CILK1: variants seen among roughly 807,000 people sequenced by gnomAD.
CILK1 encodes ciliogenesis associated kinase 1, also known as serine/threonine-protein kinase ICK.
CILK1 carries 47 observed loss-of-function variants against 79.2 expected under a neutral mutation model. The observed-to-expected ratio is 0.59, with a 90% confidence interval of 0.47 to 0.76. The LOEUF (loss-of-function observed/expected upper bound fraction) is 0.76, where lower values mean the gene tolerates loss of function less well. Among genes scored for constraint, CILK1 ranks in the 30% least tolerant of loss-of-function variants. CILK1 has a pLI of 0.00. For missense variants in CILK1, 660 were observed against 769.5 expected, an observed-to-expected ratio of 0.86 and a Z score of 1.68; for synonymous variants, 266 against 275.9, an observed-to-expected ratio of 0.96 and a Z score of 0.36.
chr6:53,060,213 C>T (rs1254948672), intron 1 of CILK1, among the ~76,000 whole-genome samples: 1 of 152,098 alleles, frequency 6.6e-6, no homozygotes, highest in Non-Finnish European at 1.5e-5. Flanking sequence ...GTTTGATATC[C>T]TAGTAGTTCA....
rs1764138517 is a variant in CILK1 at position 53,005,097 on chromosome 6, G to A, written c.*52C>T. ...TGCAGGTAGAACACCAGTCAGCTGAGGGAAAGTATCCTGCTTCTCCCTAGG... is the reference window on the plus strand; with the variant it reads ...TGCAGGTAGAACACCAGTCAGCTGAAGGAAAGTATCCTGCTTCTCCCTAGG... On this transcript the variant is annotated 3_prime_UTR_variant, in exon 14 of 14. Transcript: ENST00000676107. The A allele has an allele frequency of 6.2e-7, 1 of 1,606,700 alleles. No homozygotes were observed.
intron 1 of CILK1, among the ~76,000 whole-genome samples, chr6:53,053,730 T>A (rs1448969819): frequency 6.6e-6 from 1 of 152,246 alleles, no homozygotes; most frequent in Non-Finnish European, 1.5e-5. Context: ...GATATGGCTA[T>A]GTTCTAATTG....
rs1246572429 is a variant in CILK1 at position 53,004,946 on chromosome 6, T to C, written c.*203A>G. The C allele has an allele frequency of 3.8e-6, 2 of 520,176 alleles. No homozygotes were observed. The highest frequency in any genetic ancestry group is 6.7e-6 in the Non-Finnish European group (2 of 298,546). 32.2% of individuals were successfully genotyped at this position (520,176 alleles called of 1,614,324 possible). On this transcript the variant is annotated 3_prime_UTR_variant, in exon 14 of 14. Coordinates refer to ENST00000676107, the MANE Select transcript of CILK1 (RefSeq NM_014920.5). ...CCAGTTTTAGAATAAAATAATTTTA[T>C]ACAAAAAAGCCTACTGCATTCAAAT...
In CILK1 at chr6:53,007,068, C is replaced by T. The variant is rs569052598; in HGVS notation, c.1622-631G>A. Among the ~76,000 whole-genome samples, 17 of 152,260 alleles carry T rather than the reference C, an allele frequency of 1.1e-4. 1 individual carries two copies. In the East Asian group the frequency reaches 3.1e-3, roughly 28 times the overall value. ...CTGGGGAGGATAACAGAATGCCTTG[C>T]ATATAGCAGATAATCAATTAATTTT... On this transcript the variant is annotated intron_variant, in intron 12 of 13. Transcript: ENST00000676107.
intron 1 of CILK1, among the ~76,000 whole-genome samples, chr6:53,043,995 G>A (rs1014783331): frequency 3.3e-5 from 5 of 152,084 alleles, no homozygotes; most frequent in African/African-American, 1.2e-4. Context: ...TAAGAGGCAG[G>A]GCTTGAAATT....
intron 5 of CILK1, among the ~76,000 whole-genome samples, chr6:53,029,882 G>A (rs541945777): frequency 1.3e-5 from 2 of 152,234 alleles, no homozygotes; most frequent in South Asian, 2.1e-4. Context: ...AATCAGCTTC[G>A]CCCATCTGTC....
intron 1 of CILK1, among the ~76,000 whole-genome samples, chr6:53,044,034 A>T (rs1330126606): frequency 6.6e-6 from 1 of 152,200 alleles, no homozygotes; most frequent in Non-Finnish European, 1.5e-5. Flanking sequence ...AACTTGTGGA[A>T]AGAGTTGGCA....
At chr6:53,008,353 G>T (rs765558524) in intron 12 of CILK1, among the ~76,000 whole-genome samples, 1 of 151,862 alleles carries the variant, frequency 6.6e-6, no homozygotes, top group Non-Finnish European at 1.5e-5. Context: ...AGGCTGGCAT[G>T]GGGGGAGGTA....
intron 1 of CILK1, among the ~76,000 whole-genome samples, chr6:53,054,883 C>G (rs1214086578): frequency 6.6e-6 from 1 of 152,230 alleles, no homozygotes; most frequent in African/African-American, 2.4e-5. Flanking sequence ...TGGCCAGCAG[C>G]TCACATCAGG....
chr6:53,045,645 G>T (rs867312404), intron 1 of CILK1, among the ~76,000 whole-genome samples: 17 of 152,114 alleles, frequency 1.1e-4, no homozygotes, highest in Admixed American at 7.9e-4. Context: ...ATGTATTTTT[G>T]ACAATGATTT....
At chr6:53,015,686 G>A (rs562799281) in intron 8 of CILK1, among the ~76,000 whole-genome samples, 23 of 152,212 alleles carry the variant, frequency 1.5e-4, no homozygotes, top group African/African-American at 5.3e-4. Flanking sequence ...TTCAGGTTAT[G>A]AGTCAGTTGG....
At chr6:53,035,460 A>G in intron 3 of CILK1, among the ~76,000 whole-genome samples, 1 of 152,240 alleles carries the variant, frequency 6.6e-6, no homozygotes, top group East Asian at 1.9e-4. Context: ...TATGGTTTCA[A>G]GATGGTGTCT....
rs752110247 is a variant in CILK1 at position 53,016,266 on chromosome 6, G to C, written c.664-16C>G. The C allele has an allele frequency of 6.8e-6, 11 of 1,613,684 alleles. No individual in the cohort carries two copies. Among genetic ancestry groups the C allele is most frequent in the Non-Finnish European group, 7.6e-6 (9 of 1,179,762 alleles). ...GCCAGTCAGTCTGAAAGAAGGAAAA[G>C]ATAGAAAATCTTGCTCAGCCAATTG... On this transcript the variant is annotated splice_polypyrimidine_tract_variant and intron_variant, in intron 7 of 13. Transcript: ENST00000676107.
chr6:53,038,384 C>T (rs150833), intron 2 of CILK1, among the ~76,000 whole-genome samples: 10,013 of 152,096 alleles, frequency 0.066, 484 homozygotes, highest in Non-Finnish European at 0.094. Context: ...ATGTGGCTAC[C>T]GAGCACTTTG....
At chr6:53,013,418 C>A (rs771130692) in intron 9 of CILK1, among the ~76,000 whole-genome samples, 2 of 152,190 alleles carry the variant, frequency 1.3e-5, no homozygotes, top group African/African-American at 4.8e-5. Context: ...GCTGCAGAGG[C>A]CAGCTCCCAG....
At position 53,013,833 on chromosome 6, in the gene CILK1, G is replaced by T. The variant is rs1203851051; in HGVS notation, c.981C>A (p.Ala327=). The change falls in exon 9 of 14, where the codon GCC becomes GCA. Residue 327 remains alanine (A), a synonymous_variant. Transcript: ENST00000676107. ...GTGAAGAAATTCGTGTGTGTGGCTT[G>T]GCTGGTGGCTGGGCAGGTGGGACTG... ...IKPVPPAQPP[A]KPHTRISSRQ... is the part of the protein sequence containing the mutation. 6.2e-7 allele frequency: 1 copy of T among 1,613,742 alleles called. No individual in the cohort carries two copies. The highest frequency in any genetic ancestry group is 1.7e-5 in the Admixed American group (1 of 60,008).
At chr6:53,026,941 C>G (rs1321453199) in intron 5 of CILK1, among the ~76,000 whole-genome samples, 2 of 152,134 alleles carry the variant, frequency 1.3e-5, no homozygotes, top group African/African-American at 4.8e-5. Flanking sequence ...CATTAATAAC[C>G]CTTGGGCAAG....
rs751673624 is a variant in CILK1 at position 53,011,852 on chromosome 6, T to C, written c.1409A>G (p.Gln470Arg). ...PVGTGNSAPT[Q>R]TSYQRRDTPT... ...CGTGTCTCGCCGCTGATATGACGTC[T>C]GGGTGGGGGCACTGTTTCCTGTGCC... Residue 470 changes from glutamine (Q) to arginine (R), a missense_variant, in exon 11 of 14, where the codon CAG becomes CGG. Transcript: ENST00000676107. 3.7e-6 allele frequency: 6 copies of C among 1,614,042 alleles called. No individual in the cohort carries two copies. The highest frequency in any genetic ancestry group is 4.2e-6 in the Non-Finnish European group (5 of 1,180,010).
Position 53,013,690 on chromosome 6 carries a change from G to A in CILK1, c.1124C>T (p.Pro375Leu). The A allele has an allele frequency of 6.2e-7, 1 of 1,614,088 alleles. No individual in the cohort carries two copies. The highest frequency in any genetic ancestry group is 8.5e-7 in the Non-Finnish European group (1 of 1,179,976). ...QEDKPSPLLF[P>L]SLHNKHPQSK... is the part of the protein sequence containing the mutation. ...CTGTGGATGCTTGTTGTGGAGGGAT[G>A]GGAAAAGCAACGGGCTTGGCTTGTC... The change falls in exon 9 of 14, where the codon CCA becomes CTA. Residue 375 changes from proline (P) to leucine (L), a missense_variant. Physicochemically the swap from Pro to Leu is moderately conservative, Grantham distance 98. Transcript: ENST00000676107.
Sources: allele counts gnomAD v4.1 joint callset (sites outside exome capture counted in the v4.1 genomes callset), GRCh38; gene constraint gnomAD v4.1.1; transcripts MANE v1.5; gene names NCBI Gene and HGNC (gene_info 2026-07-23, HGNC 2026-07-21).